SPIDR: variants seen among roughly 807,000 people sequenced by gnomAD.
SPIDR encodes the protein scaffold protein involved in DNA repair, also known as DNA repair-scaffolding protein.
A neutral mutation model predicts 104.6 loss-of-function variants in SPIDR; 93 were observed. That is an observed-to-expected ratio of 0.89 (90% CI 0.75 to 1.06). SPIDR has a LOEUF of 1.06. SPIDR is among the 50% of genes least tolerant of loss of function. SPIDR has a pLI of 0.00. For missense variants in SPIDR, 1,154 were observed against 1,111.2 expected, an observed-to-expected ratio of 1.04 and a Z score of -0.55; for synonymous variants, 431 against 416.9, an observed-to-expected ratio of 1.03 and a Z score of -0.41.
chr8:47,531,044 A>G (rs927290725), intron 8 of SPIDR, among the ~76,000 whole-genome samples: 3 of 152,008 alleles, frequency 2.0e-5, no homozygotes, highest in African/African-American at 7.2e-5. Flanking sequence ...CCAAGTAGTT[A>G]GGACTCCAGG....
intron 8 of SPIDR, among the ~76,000 whole-genome samples, chr8:47,497,200 C>G (rs568908227): frequency 1.3e-5 from 2 of 152,132 alleles, no homozygotes; most frequent in South Asian, 4.1e-4. Flanking sequence ...TTTCTATTCT[C>G]TATTTCATGT....
intron 8 of SPIDR, among the ~76,000 whole-genome samples, chr8:47,536,836 T>C (rs151059275): frequency 2.0e-5 from 3 of 152,336 alleles, no homozygotes; most frequent in Admixed American, 1.3e-4. Context: ...AAAGAACTTG[T>C]ACTCAGAATA....
At chr8:47,452,228 A>G (rs530435506) in intron 8 of SPIDR, among the ~76,000 whole-genome samples, 1 of 152,294 alleles carries the variant, frequency 6.6e-6, no homozygotes, top group Admixed American at 6.5e-5. Flanking sequence ...CTTATTTCTT[A>G]TCAGAAACTG....
intron 5 of SPIDR, among the ~76,000 whole-genome samples, chr8:47,345,978 T>C (rs2154278089): frequency 6.6e-6 from 1 of 152,344 alleles, no homozygotes; most frequent in African/African-American, 2.4e-5. Flanking sequence ...CTGATTGCCG[T>C]GGCCAGAATT....
intron 17 of SPIDR, among the ~76,000 whole-genome samples, chr8:47,728,244 G>A (rs937131507): frequency 6.6e-6 from 1 of 151,616 alleles, no homozygotes; most frequent in Admixed American, 6.6e-5. Flanking sequence ...TGGCCAACAC[G>A]GTGAAACCCC....
intron 5 of SPIDR, among the ~76,000 whole-genome samples, chr8:47,321,993 A>T (rs972910820): frequency 2.6e-5 from 4 of 152,128 alleles, no homozygotes; most frequent in South Asian, 2.1e-4. Context: ...ATAAAAACCC[A>T]AGAAGAAAAC....
intron 10 of SPIDR, among the ~76,000 whole-genome samples, chr8:47,624,599 C>A (rs888916802): frequency 6.6e-6 from 1 of 152,182 alleles, no homozygotes; most frequent in African/African-American, 2.4e-5. Context: ...TCAGAGAATA[C>A]TATAAACACC....
chr8:47,547,597 T>G (rs1353346658), intron 8 of SPIDR, among the ~76,000 whole-genome samples: 1 of 152,032 alleles, frequency 6.6e-6, no homozygotes, highest in Non-Finnish European at 1.5e-5. Flanking sequence ...CACGCCCAGC[T>G]AATTTTTGTA....
chr8:47,734,231 G>A (rs1314483088), intron 19 of SPIDR, among the ~76,000 whole-genome samples: 1 of 151,950 alleles, frequency 6.6e-6, no homozygotes, highest in Non-Finnish European at 1.5e-5. Flanking sequence ...GCATGTGTGT[G>A]GATCCCACGG....
At position 47,394,989 on chromosome 8, in the gene SPIDR, G is replaced by A. The variant is rs186376230; in HGVS notation, c.526-1387G>A. Among the ~76,000 whole-genome samples, 235 of 152,280 alleles carry A rather than the reference G, an allele frequency of 1.5e-3. No homozygotes were observed. Among genetic ancestry groups the A allele is most frequent in the Admixed American group, 2.6e-3 (40 of 15,306 alleles). On this transcript the variant is annotated intron_variant, in intron 5 of 19. Coordinates refer to ENST00000297423, the MANE Select transcript of SPIDR (RefSeq NM_001080394.4). ...TTTCTTATTTTCAGTGTGCCTGATAGAAGGTGACTACCCAAGCAGTTTTTT... is the reference window on the plus strand; with the variant it reads ...TTTCTTATTTTCAGTGTGCCTGATAAAAGGTGACTACCCAAGCAGTTTTTT...
intron 8 of SPIDR, among the ~76,000 whole-genome samples, chr8:47,484,548 G>T (rs2077282385): frequency 6.6e-6 from 1 of 152,230 alleles, no homozygotes; most frequent in Admixed American, 6.5e-5. Context: ...TCCTCATGCA[G>T]TGGCTCATGC....
intron 5 of SPIDR, among the ~76,000 whole-genome samples, chr8:47,354,629 T>C (rs1480191201): frequency 6.6e-6 from 1 of 152,136 alleles, no homozygotes; most frequent in Non-Finnish European, 1.5e-5. Context: ...CTGTTTTCAT[T>C]TATTTATTTT....
chr8:47,484,847 A>G (rs1025007513), intron 8 of SPIDR, among the ~76,000 whole-genome samples: 2 of 152,180 alleles, frequency 1.3e-5, no homozygotes, highest in African/African-American at 4.8e-5. Context: ...GTTCTTAGAA[A>G]CAGATCCAGA....
At chr8:47,321,750 T>C (rs1204625678) in intron 5 of SPIDR, among the ~76,000 whole-genome samples, 4 of 152,024 alleles carry the variant, frequency 2.6e-5, no homozygotes, top group African/African-American at 4.8e-5. Flanking sequence ...AACAGAGATA[T>C]AGAACAATGG....
chr8:47,598,841 G>A lies in SPIDR; in HGVS notation c.1294-105G>A, dbSNP rs1564436430. 30 of 1,411,346 alleles carry A rather than the reference G, an allele frequency of 2.1e-5. No individual in the cohort carries two copies. In the East Asian group the frequency reaches 6.7e-4, roughly 31 times the overall value. 87.4% of individuals were successfully genotyped at this position (1,411,346 alleles called of 1,614,324 possible). A position where few individuals can be genotyped will look rare whatever the true frequency, so the allele number is the denominator to read the frequency against. On this transcript the variant is annotated intron_variant, in intron 9 of 19. Transcript: ENST00000297423. ...TCAGTGTAGTGCAGATCCATTGGGT[G>A]GCTGCTTAAGGATGTCATTATTTGG...
intron 8 of SPIDR, among the ~76,000 whole-genome samples, chr8:47,590,435 TA>T (rs1435593715): frequency 4.6e-5 from 7 of 152,250 alleles, no homozygotes; most frequent in Admixed American, 1.3e-4. Flanking sequence ...ACCCTTGGAT[TA>T]TTTAGAAATA....
intron 8 of SPIDR, among the ~76,000 whole-genome samples, chr8:47,571,602 T>C (rs2058534627): frequency 6.6e-6 from 1 of 152,156 alleles, no homozygotes; most frequent in Non-Finnish European, 1.5e-5. Flanking sequence ...ATTATAGCAA[T>C]AAGCATAATT....
intron 5 of SPIDR, among the ~76,000 whole-genome samples, chr8:47,365,712 C>T (rs576094629): frequency 1.3e-5 from 2 of 152,166 alleles, no homozygotes; most frequent in Non-Finnish European, 2.9e-5. Flanking sequence ...ATGTACTTTT[C>T]TATGCCTCTG....
At chr8:47,435,943 A>G (rs144126654) in intron 7 of SPIDR, among the ~76,000 whole-genome samples, 292 of 152,340 alleles carry the variant, frequency 1.9e-3, no homozygotes, top group African/African-American at 6.9e-3. Flanking sequence ...TTCTTGAGAA[A>G]GTCACATGAG....
Sources: allele counts gnomAD v4.1 joint callset (sites outside exome capture counted in the v4.1 genomes callset), GRCh38; gene constraint gnomAD v4.1.1; transcripts MANE v1.5; gene names NCBI Gene and HGNC (gene_info 2026-07-23, HGNC 2026-07-21).